Variants in IRGM observed in about 807,000 individuals in gnomAD.
IRGM encodes immunity related GTPase M, also known as immunity-related GTPase family M protein.
For synonymous variants in IRGM, 98 were observed against 80.6 expected (o/e 1.22, Z -1.16); for missense variants, 288 against 219.9 (o/e 1.31, Z -1.96).
At chr5:150,861,861 ATAT>A (rs1754141296) in intron 1 of IRGM, among the ~76,000 whole-genome samples, 1 of 152,244 alleles carries the variant, frequency 6.6e-6, no homozygotes, top group Middle Eastern at 3.2e-3. Flanking sequence ...AAAATATTTC[ATAT>A]TATTTCCTAC....
At chr5:150,869,451 T>C (rs533892161) in intron 1 of IRGM, among the ~76,000 whole-genome samples, 1 of 152,182 alleles carries the variant, frequency 6.6e-6, no homozygotes, top group East Asian at 1.9e-4. Flanking sequence ...CTTTTTGATA[T>C]TGTCCTTTCC....
intron 3 of IRGM, chr5:150,896,081 A>G (rs1445743333): frequency 5.0e-6 from 8 of 1,613,528 alleles, no homozygotes; most frequent in Admixed American, 1.7e-5. Context: ...AGGCCTTCCC[A>G]CACTCTCTAC....
intron 3 of IRGM, among the ~76,000 whole-genome samples, chr5:150,881,309 G>A (rs556673656): frequency 2.0e-5 from 3 of 152,226 alleles, no homozygotes; most frequent in Admixed American, 6.5e-5. Flanking sequence ...TACAGGCCAG[G>A]AAAGAGTGGG....
At chr5:150,866,880 T>C (rs1311025352) in intron 1 of IRGM, among the ~76,000 whole-genome samples, 1 of 152,258 alleles carries the variant, frequency 6.6e-6, no homozygotes, top group African/African-American at 2.4e-5. Context: ...GATGACAACA[T>C]TTTTACTTTT....
chr5:150,863,475 T>A lies in IRGM; in HGVS notation c.159-14505T>A, dbSNP rs17111409. 7.7e-3 allele frequency among the ~76,000 whole-genome samples: 1,176 copies of A among 152,328 alleles called. 22 individuals carry two copies. Among genetic ancestry groups the A allele is most frequent in the African/African-American group, 0.027 (1,116 of 41,580 alleles). On this transcript the variant is annotated intron_variant and NMD_transcript_variant, in intron 1 of 3. Coordinates refer to the IRGM transcript ENST00000520549. ...GTCCATAACAATATGGGATAAAATA[T>A]AATGATTACCTCTGGATAATTTTGG...
chr5:150,897,044 A>G, intron 3 of IRGM: 1 of 1,231,182 alleles, frequency 8.1e-7, no homozygotes. Context: ...AGTAGAACAA[A>G]TGGATGATCC....
At chr5:150,892,798 C>T (rs896564219) in intron 3 of IRGM, among the ~76,000 whole-genome samples, 2 of 152,066 alleles carry the variant, frequency 1.3e-5, no homozygotes, top group African/African-American at 4.8e-5. Context: ...GTCACCCAGG[C>T]TGGAGTGCAG....
At chr5:150,878,171 C>CT (rs35792893) in intron 2 of IRGM, 3,718 of 341,042 alleles carry the variant, frequency 0.011, 5 homozygotes, top group Non-Finnish European at 0.012. Context: ...AAATAGTAAA[C>CT]TTTTTTTTTT....
intron 3 of IRGM, among the ~76,000 whole-genome samples, chr5:150,886,859 G>C (rs1754532477): frequency 6.6e-6 from 1 of 151,766 alleles, no homozygotes; most frequent in Non-Finnish European, 1.5e-5. Flanking sequence ...CCAACTACTG[G>C]ATTTATTGAC....
Position 150,870,068 on chromosome 5 carries a change from A to AT in IRGM, c.159-7912_159-7911insT, listed in dbSNP as rs544317725. ...CCAAGGAGGAAAGAAAAATAATGCT[A>AT]ATATCTGGGGTACAGATGAGAATAA... On this transcript the variant is annotated intron_variant and NMD_transcript_variant, in intron 1 of 3. Transcript: ENST00000520549. 3.3e-3 allele frequency among the ~76,000 whole-genome samples: 502 copies of AT among 152,292 alleles called. 3 individuals are homozygous for AT. The highest frequency in any genetic ancestry group is 0.011 in the African/African-American group (476 of 41,582).
chr5:150,862,373 G>C (rs1242489882), intron 1 of IRGM, among the ~76,000 whole-genome samples: 3 of 152,212 alleles, frequency 2.0e-5, no homozygotes, highest in Non-Finnish European at 4.4e-5. Flanking sequence ...CCACATTCAA[G>C]GAGATTGTAC....
intron 1 of IRGM, among the ~76,000 whole-genome samples, chr5:150,859,002 G>A (rs1754097569): frequency 6.6e-6 from 1 of 152,154 alleles, no homozygotes; most frequent in South Asian, 2.1e-4. Flanking sequence ...CCTGTCTTGT[G>A]CCCATTTTCA....
In IRGM at chr5:150,853,842, C is replaced by T. The variant is rs1270690620; in HGVS notation, c.158+5188C>T. Among the ~76,000 whole-genome samples the T allele has an allele frequency of 2.0e-5, 3 of 152,014 alleles. No individual in the cohort carries two copies. The East Asian group carries it at 5.8e-4, about 29-fold the overall frequency. The stretch of plus-strand genomic sequence containing the variant: ...ATCCGTAAAGTATCTATAAAAACAA[C>T]ATATAATTGTATCACATCTCCCCAA... On this transcript the variant is annotated intron_variant and NMD_transcript_variant, in intron 1 of 3. Transcript: ENST00000520549.
chr5:150,850,944 A>G (rs544342952), downstream of IRGM, among the ~76,000 whole-genome samples: 1 of 152,282 alleles, frequency 6.6e-6, no homozygotes, highest in East Asian at 1.9e-4. Context: ...TTAGCTTTCT[A>G]TTTTAATGAG....
intron 3 of IRGM, among the ~76,000 whole-genome samples, chr5:150,881,663 G>C (rs527512262): frequency 6.6e-6 from 1 of 151,862 alleles, no homozygotes; most frequent in Non-Finnish European, 1.5e-5. Context: ...AATAATAATA[G>C]CAATATCATC....
intron 1 of IRGM, among the ~76,000 whole-genome samples, chr5:150,866,823 T>C (rs549635889): frequency 5.3e-5 from 8 of 152,336 alleles, no homozygotes; most frequent in Non-Finnish European, 1.2e-4. Context: ...GTGAAGTAGA[T>C]TGAACCTTTC....
rs528514907 is a variant in IRGM at position 150,848,297 on chromosome 5, T to G, written c.174T>G (p.His58Gln). 2 of 1,551,768 alleles carry G rather than the reference T, an allele frequency of 1.3e-6. No individual in the cohort carries two copies. The highest frequency in any genetic ancestry group is 1.7e-6 in the Non-Finnish European group (2 of 1,146,942). ...TFISALRNTGHEGKASPPTEL... is the reference protein window; with the variant it reads ...TFISALRNTGQEGKASPPTEL... The stretch of plus-strand genomic sequence containing the variant: ...TCAGTGCCCTTCGAAACACAGGACA[T>G]GAGGGTAAGGCCTCACCTCCTACTG... The change falls in exon 2 of 2, where the codon CAT becomes CAG. Residue 58 changes from histidine to glutamine, a missense_variant. Physicochemically the swap from His to Gln is conservative, Grantham distance 24. Coordinates refer to ENST00000522154, the MANE Select transcript of IRGM (RefSeq NM_001145805.2).
intron 3 of IRGM, among the ~76,000 whole-genome samples, chr5:150,891,028 G>A (rs1319071215): frequency 6.6e-6 from 1 of 152,034 alleles, no homozygotes; most frequent in Non-Finnish European, 1.5e-5. Context: ...TAGTGAGAAT[G>A]TATTGAAATT....
intron 3 of IRGM, chr5:150,898,430 A>G: frequency 5.0e-6 from 8 of 1,613,414 alleles, no homozygotes; most frequent in Non-Finnish European, 6.8e-6. Flanking sequence ...ATCCTTACCC[A>G]TTGAGACCAG....
Sources: gnomAD v4.1 joint callset for allele counts (sites outside exome capture counted in the v4.1 genomes callset) on GRCh38, gnomAD v4.1.1 for gene constraint, MANE v1.5 for transcripts, NCBI Gene and HGNC (gene_info 2026-07-23, HGNC 2026-07-21) for gene names.